MAJIN: variants seen among roughly 807,000 people sequenced by gnomAD.
MAJIN encodes the protein membrane-anchored junction protein.
MAJIN carries 27 observed loss-of-function variants against 30.2 expected under a neutral mutation model. The ratio of observed to expected loss-of-function variants is 0.89; its 90% CI spans 0.66 to 1.23. The LOEUF (loss-of-function observed/expected upper bound fraction) is 1.23. Among genes scored for constraint, MAJIN ranks in the 50% most tolerant of loss-of-function variants. The probability of loss-of-function intolerance (pLI) is 0.00; values close to 1 mark genes in which losing one functional copy is unlikely to be tolerated. For missense variants in MAJIN, 253 were observed against 260.3 expected, an observed-to-expected ratio of 0.97 and a Z score of 0.19; for synonymous variants, 78 against 91.6, an observed-to-expected ratio of 0.85 and a Z score of 0.85.
chr11:64,962,117 C>G (rs1945736537), intron 1 of MAJIN, among the ~76,000 whole-genome samples: 1 of 152,164 alleles, frequency 6.6e-6, no homozygotes, highest in African/African-American at 2.4e-5. Flanking sequence ...AATAACTTGC[C>G]TCCCGCCCCA....
intron 4 of MAJIN, among the ~76,000 whole-genome samples, chr11:64,952,369 G>T (rs976899103): frequency 3.9e-5 from 6 of 151,966 alleles, no homozygotes; most frequent in African/African-American, 1.2e-4. Context: ...TGTATTTTTG[G>T]TAGAGATGGG....
intron 7 of MAJIN, 130 bp from the exon 8 acceptor site, chr11:64,947,595 G>A: frequency 9.5e-7 from 1 of 1,057,552 alleles, no homozygotes; most frequent in South Asian, 1.4e-5. Flanking sequence ...TTGCAAGTAA[G>A]AATAGACATT....
At chr11:64,954,581 C>T (rs1046783875) in intron 4 of MAJIN, 176 bp downstream of exon 4, 2 of 719,400 alleles carry the variant, frequency 2.8e-6, no homozygotes, top group East Asian at 5.4e-5. Flanking sequence ...AGAAAGAATA[C>T]AGGCTTTAAA....
intron 4 of MAJIN, among the ~76,000 whole-genome samples, chr11:64,951,697 C>G (rs967707185): frequency 6.9e-6 from 1 of 145,066 alleles, no homozygotes; most frequent in African/African-American, 2.6e-5. Context: ...CCTGGGAGGT[C>G]GAGGCTGCAG....
In MAJIN at chr11:64,949,801, G is replaced by C; in HGVS notation, c.291C>G (p.Tyr97Ter). 1 of 1,611,828 alleles carries C rather than the reference G, an allele frequency of 6.2e-7. No individual in the cohort carries two copies. The highest frequency in any genetic ancestry group is 8.5e-7 in the Non-Finnish European group (1 of 1,179,548). Residue 97 changes from tyrosine to a stop codon, truncating the protein, a stop_gained, in exon 6 of 11, where the codon TAC (tyrosine) becomes TAG (stop). Coordinates refer to ENST00000301896, the MANE Select transcript of MAJIN (RefSeq NM_001037225.3). LOFTEE classifies it high-confidence loss of function. Reference protein sequence around the residue: ...FKHGEIILIPYPFVFTLYVEM... With the variant: ...FKHGEIILIP The stretch of plus-strand genomic sequence containing the variant: ...CCACATATAGAGTAAAAACAAATGG[G>C]TAGGGGATCAAGATAATTTCCCCAT...
intron 10 of MAJIN, among the ~76,000 whole-genome samples, 170 bp downstream of exon 10, chr11:64,939,492 T>C (rs147949083): frequency 1.2e-4 from 19 of 152,370 alleles, no homozygotes; most frequent in African/African-American, 4.6e-4. Flanking sequence ...CTTTATTAAA[T>C]GCACAATTAG....
At chr11:64,946,078 T>C in intron 8 of MAJIN, 3 of 1,531,670 alleles carry the variant, frequency 2.0e-6, no homozygotes, top group South Asian at 1.2e-5. Flanking sequence ...AAGGCTCCAT[T>C]TTAGTACTTA....
chr11:64,950,191 G>A (rs1351688879), intron 5 of MAJIN, among the ~76,000 whole-genome samples, 164 bp downstream of exon 5: 1 of 152,052 alleles, frequency 6.6e-6, no homozygotes, highest in Admixed American at 6.6e-5. Context: ...TTAGCCGGGT[G>A]TGGTGGCATG....
chr11:64,968,921 CAGG>C (rs1565150072), intron 1 of MAJIN, among the ~76,000 whole-genome samples: 2 of 151,712 alleles, frequency 1.3e-5, no homozygotes, highest in African/African-American at 4.8e-5. Context: ...TGTAAGGGGA[CAGG>C]AGGAGAAATA....
chr11:64,949,410 A>G (rs1945514177), intron 6 of MAJIN, among the ~76,000 whole-genome samples: 1 of 152,204 alleles, frequency 6.6e-6, no homozygotes, highest in East Asian at 1.9e-4. Context: ...AAGGGTTTAT[A>G]TAATAGTTAT....
chr11:64,946,270 G>A (rs1945451022), intron 8 of MAJIN: 3 of 1,164,910 alleles, frequency 2.6e-6, no homozygotes, highest in South Asian at 1.8e-5. Flanking sequence ...TACTACTCCT[G>A]GCTGGCAGAA....
At position 64,958,573 on chromosome 11, in the gene MAJIN, C is replaced by T. The variant is rs1210230419; in HGVS notation, c.101+732G>A. ...GGTCAAGGCTGCAGTGATCACACCA[C>T]TACATGTGAAACCCTGTCTTGGGAG... is the stretch of plus-strand genomic sequence containing the variant. On this transcript the variant is annotated intron_variant, in intron 3 of 10. Transcript: ENST00000301896. 3.7e-5 allele frequency among the ~76,000 whole-genome samples: 5 copies of T among 134,468 alleles called. No homozygotes were observed. The Admixed American group carries it at 4.1e-4, about 11-fold the overall frequency. 88.2% of individuals were successfully genotyped at this position (134,468 alleles called of 152,430 possible). A position where few individuals can be genotyped will look rare whatever the true frequency, so the allele number is the denominator to read the frequency against.
chr11:64,962,020 C>G (rs1377515592), intron 1 of MAJIN, among the ~76,000 whole-genome samples: 1 of 152,120 alleles, frequency 6.6e-6, no homozygotes, highest in African/African-American at 2.4e-5. Context: ...CTCCTGGCCT[C>G]AAGTGATCCT....
intron 6 of MAJIN, among the ~76,000 whole-genome samples, chr11:64,948,663 T>A (rs1945501085): frequency 2.3e-5 from 2 of 86,920 alleles, no homozygotes; most frequent in Non-Finnish European, 4.5e-5. Context: ...TTTTTTTTTT[T>A]TTTTTTTTTT....
At position 64,947,790 on chromosome 11, in the gene MAJIN, A is replaced by G. The variant is rs1166196087; in HGVS notation, c.379T>C (p.Leu127=). ...TTGTACAGAAAAGGCAAACTTACCA[A>G]CCCAAGAGGACTGTCACTTATTGGT... ...GKPISDSPLG[L]VPVEKKAVGA... Residue 127 remains leucine (L), a splice_region_variant and synonymous_variant, in exon 7 of 11, where the codon TTG becomes CTG. Transcript: ENST00000301896. The G allele has an allele frequency of 2.5e-6, 4 of 1,613,198 alleles. No homozygotes were observed. Among genetic ancestry groups the G allele is most frequent in the Non-Finnish European group, 2.5e-6 (3 of 1,179,454 alleles).
chr11:64,953,533 C>A (rs185075626), intron 4 of MAJIN, among the ~76,000 whole-genome samples: 39 of 152,264 alleles, frequency 2.6e-4, no homozygotes, highest in African/African-American at 7.5e-4. Flanking sequence ...TGGCTCACAC[C>A]TGTAATCCCA....
At chr11:64,965,794 A>G (rs984197772) in intron 1 of MAJIN, among the ~76,000 whole-genome samples, 1 of 152,010 alleles carries the variant, frequency 6.6e-6, no homozygotes, top group African/African-American at 2.4e-5. Flanking sequence ...ATCTCTACTA[A>G]AAATACAAAA....
Position 64,970,527 on chromosome 11 carries a change from C to T in MAJIN, c.-65+1350G>A, listed in dbSNP as rs374558645. The stretch of plus-strand genomic sequence containing the variant: ...GACTACAGGAGCCTGCCACCACACC[C>T]GGCTGATCTTTGTATTTTTAGTAGA... On this transcript the variant is annotated intron_variant, in intron 1 of 10. Coordinates refer to ENST00000301896, the MANE Select transcript of MAJIN (RefSeq NM_001037225.3). Among the ~76,000 whole-genome samples, 60 of 150,962 alleles carry T rather than the reference C, an allele frequency of 4.0e-4. 1 individual carries two copies. In the East Asian group the frequency reaches 6.8e-3, roughly 17 times the overall value.
At chr11:64,962,631 T>A (rs1323192659) in intron 1 of MAJIN, among the ~76,000 whole-genome samples, 3 of 152,180 alleles carry the variant, frequency 2.0e-5, no homozygotes, top group Non-Finnish European at 4.4e-5. Context: ...CTGCCTCTAT[T>A]AGTCATTAGT....
Sources: gnomAD v4.1 joint callset for allele counts (sites outside exome capture counted in the v4.1 genomes callset) on GRCh38, gnomAD v4.1.1 for gene constraint, MANE v1.5 for transcripts, NCBI Gene and HGNC (gene_info 2026-07-23, HGNC 2026-07-21) for gene names.